Variants in USH2A observed in about 807,000 individuals in gnomAD.
USH2A encodes usherin.
Under a neutral mutation model 538.9 loss-of-function variants are expected in USH2A, and 443 were observed. The observed-to-expected ratio is 0.82, with a 90% CI of 0.76 to 0.89. The LOEUF (loss-of-function observed/expected upper bound fraction) is 0.89. USH2A is among the 40% of genes least tolerant of loss of function. The pLI, the probability that USH2A is intolerant of heterozygous loss-of-function variation, is 0.00. For synonymous variants in USH2A, 2,413 were observed against 2,273.5 expected (o/e 1.06, Z -1.75); for missense variants, 6,633 against 6,324.8 (o/e 1.05, Z -1.65).
chr1:216,219,331 C>T lies in USH2A; in HGVS notation c.2994-1781G>A, dbSNP rs189843940. Among the ~76,000 whole-genome samples the T allele has an allele frequency of 1.1e-3, 171 of 152,210 alleles. 4 individuals are homozygous for T. Among genetic ancestry groups the T allele is most frequent in the East Asian group, 4.8e-3 (25 of 5,174 alleles). ...GAGAATTTTTCCTAAATGAAGTTCA[C>T]AAGCGAAGACTTTTCTGAAAATTGT... On this transcript the variant is annotated intron_variant, in intron 14 of 71. Coordinates refer to ENST00000307340, the MANE Select transcript of USH2A (RefSeq NM_206933.4).
At chr1:216,206,316 G>A (rs2035110460) in intron 16 of USH2A, among the ~76,000 whole-genome samples, 1 of 152,158 alleles carries the variant, frequency 6.6e-6, no homozygotes, top group Admixed American at 6.5e-5. Context: ...TTTGGCCCCA[G>A]GGACTGGTTT....
At chr1:215,707,996 T>A in intron 61 of USH2A, among the ~76,000 whole-genome samples, 1 of 152,142 alleles carries the variant, frequency 6.6e-6, no homozygotes, top group Non-Finnish European at 1.5e-5. Flanking sequence ...TTAAAACAAA[T>A]TTAAAACTCA....
At chr1:216,211,092 C>T (rs1189381183) in intron 15 of USH2A, among the ~76,000 whole-genome samples, 1 of 152,098 alleles carries the variant, frequency 6.6e-6, no homozygotes, top group African/African-American at 2.4e-5. Context: ...CTAGGGAGGA[C>T]ATGGAAGCTC....
At chr1:215,683,847 A>G (rs949332153) in intron 61 of USH2A, among the ~76,000 whole-genome samples, 1 of 151,590 alleles carries the variant, frequency 6.6e-6, no homozygotes, top group African/African-American at 2.4e-5. Flanking sequence ...CACTCTTCCT[A>G]ATGATTTTTT....
chr1:216,292,720 T>C (rs1004953196), intron 9 of USH2A, among the ~76,000 whole-genome samples: 1 of 152,162 alleles, frequency 6.6e-6, no homozygotes, highest in East Asian at 1.9e-4. Flanking sequence ...ATGCGACATC[T>C]ATCCCCTCAA....
chr1:215,981,351 T>A (rs1667748970), intron 35 of USH2A, among the ~76,000 whole-genome samples: 1 of 152,130 alleles, frequency 6.6e-6, no homozygotes, highest in South Asian at 2.1e-4. Flanking sequence ...TCTCTTATTA[T>A]TTATCTTTGT....
Position 216,086,767 on chromosome 1 carries a change from A to G in USH2A, c.4939T>C (p.Phe1647Leu). Residue 1647 changes from phenylalanine to leucine, a missense_variant, in exon 24 of 72, where the codon TTT becomes CTT. Physicochemically the swap from Phe to Leu is conservative, Grantham distance 22. Coordinates refer to ENST00000307340, the MANE Select transcript of USH2A (RefSeq NM_206933.4). The stretch of plus-strand genomic sequence containing the variant: ...TAACTTCGCGGGAGCCCTCCCAGAA[A>G]GACTCCTGTGTTATCTCCAATAACA... ...STVIGDNTGV[F>L]LGGLPRSYTI... 5 of 1,613,122 alleles carry G rather than the reference A, an allele frequency of 3.1e-6. No individual in the cohort carries two copies. Among genetic ancestry groups the G allele is most frequent in the Non-Finnish European group, 4.2e-6 (5 of 1,179,384 alleles).
At chr1:216,337,292 A>T (rs999369590) in intron 4 of USH2A, among the ~76,000 whole-genome samples, 5 of 151,312 alleles carry the variant, frequency 3.3e-5, no homozygotes, top group Non-Finnish European at 5.9e-5. Flanking sequence ...TATTCTTTTG[A>T]TGCTAATTTT....
At chr1:215,969,825 A>G (rs1249029068) in intron 36 of USH2A, among the ~76,000 whole-genome samples, 6 of 152,134 alleles carry the variant, frequency 3.9e-5, no homozygotes, top group Non-Finnish European at 7.4e-5. Flanking sequence ...GACAGCATGC[A>G]CTAAAATGAT....
intron 62 of USH2A, 82 bp downstream of exon 62, chr1:215,680,067 A>C: frequency 2.8e-6 from 4 of 1,425,296 alleles, no homozygotes; most frequent in Non-Finnish European, 4.0e-6. Flanking sequence ...GAGTTTTCCC[A>C]CAGTGACCTG....
chr1:215,623,688 C>T lies in USH2A; in HGVS notation c.*2093G>A, dbSNP rs1655889517. ...TGTAAATGATTCAGCTAACTGAGTT[C>T]ATGTCTAATTAGATGATTAAATGGA... is the stretch of plus-strand genomic sequence containing the variant. On this transcript the variant is annotated 3_prime_UTR_variant, in exon 72 of 72. Transcript: ENST00000307340. 6.6e-6 allele frequency: 1 copy of T among 152,096 alleles called. No homozygotes were observed. Among genetic ancestry groups the T allele is most frequent in the South Asian group, 2.1e-4 (1 of 4,832 alleles). 9.4% of individuals were successfully genotyped at this position (152,096 alleles called of 1,614,324 possible). A position where few individuals can be genotyped will look rare whatever the true frequency, so the allele number is the denominator to read the frequency against.
intron 4 of USH2A, among the ~76,000 whole-genome samples, chr1:216,358,537 T>C (rs1159846065): frequency 6.6e-6 from 1 of 152,174 alleles, no homozygotes; most frequent in East Asian, 1.9e-4. Context: ...AGGAACATTC[T>C]GTACCTATCT....
intron 61 of USH2A, among the ~76,000 whole-genome samples, chr1:215,686,582 A>G (rs1658429636): frequency 6.6e-6 from 1 of 152,074 alleles, no homozygotes; most frequent in South Asian, 2.1e-4. Flanking sequence ...ATTTGTTAGG[A>G]AACAATAAGT....
At chr1:216,017,990 C>G (rs543553364) in intron 32 of USH2A, among the ~76,000 whole-genome samples, 3 of 151,770 alleles carry the variant, frequency 2.0e-5, no homozygotes, top group African/African-American at 7.2e-5. Flanking sequence ...TCATGCTACC[C>G]TTAAGACACA....
At chr1:215,895,455 G>C (rs984314463) in intron 40 of USH2A, among the ~76,000 whole-genome samples, 1 of 152,162 alleles carries the variant, frequency 6.6e-6, no homozygotes, top group African/African-American at 2.4e-5. Context: ...CTTGATGAAT[G>C]TGTAGAATTA....
chr1:216,158,185 G>T (rs969223218), intron 21 of USH2A, among the ~76,000 whole-genome samples: 3 of 152,112 alleles, frequency 2.0e-5, no homozygotes, highest in Non-Finnish European at 4.4e-5. Context: ...TAGAAATAAA[G>T]TTGCTATGAA....
chr1:215,751,398 T>C (rs1395542628), intron 58 of USH2A, among the ~76,000 whole-genome samples: 1 of 152,110 alleles, frequency 6.6e-6, no homozygotes, highest in African/African-American at 2.4e-5. Flanking sequence ...TCACCATCCT[T>C]AGTGAGAAAA....
Position 215,674,495 on chromosome 1 carries a change from G to A in USH2A, c.13416C>T (p.Gly4472=), listed in dbSNP as rs1471753242. 6.2e-7 allele frequency: 1 copy of A among 1,614,102 alleles called. No individual in the cohort carries two copies. Among genetic ancestry groups the A allele is most frequent in the Non-Finnish European group, 8.5e-7 (1 of 1,180,012 alleles). ...ITWKPPRNPN[G]QIRSYELRRD... is the part of the protein sequence containing the mutation. ...TCCTAAGTTCATAACTTCTGATCTG[G>A]CCATTTGGGTTTCTTGGAGGTTTCC... Residue 4472 remains glycine, a synonymous_variant, in exon 63 of 72, where the codon GGC becomes GGT. Coordinates refer to ENST00000307340, the MANE Select transcript of USH2A (RefSeq NM_206933.4).
chr1:216,046,813 T>G (rs2030540285), intron 31 of USH2A, among the ~76,000 whole-genome samples: 2 of 152,174 alleles, frequency 1.3e-5, no homozygotes, highest in African/African-American at 4.8e-5. Flanking sequence ...GTACTTACAC[T>G]AGTTCACTTG....
Sources: gnomAD v4.1 joint callset for allele counts (sites outside exome capture counted in the v4.1 genomes callset) on GRCh38, gnomAD v4.1.1 for gene constraint, MANE v1.5 for transcripts, NCBI Gene and HGNC (gene_info 2026-07-23, HGNC 2026-07-21) for gene names.